CAST: variants seen among roughly 807,000 people sequenced by gnomAD.
The protein encoded by CAST is MIR583 host.
In CAST, 76 loss-of-function variants were observed where a neutral mutation model predicts 119.6. The observed-to-expected ratio is 0.64, with a 90% CI of 0.53 to 0.77. CAST has a LOEUF of 0.77. CAST is among the 30% of genes least tolerant of loss of function. The pLI is 0.00. For missense variants in CAST, 953 were observed against 946.5 expected (o/e 1.01, Z -0.09); for synonymous variants, 319 against 331.6 (o/e 0.96, Z 0.41).
At chr5:96,022,611 T>G in the CAST span, among the ~76,000 whole-genome samples, 2 of 152,124 alleles carry the variant, frequency 1.3e-5, no homozygotes, top group East Asian at 3.8e-4. Flanking sequence ...CGACATACAA[T>G]CCAATGAGGA....
chr5:96,334,083 A>G, the CAST span, among the ~76,000 whole-genome samples: 1 of 152,324 alleles, frequency 6.6e-6, no homozygotes, highest in Admixed American at 6.5e-5. Context: ...GAGTTGTATT[A>G]GGGCTGAAGT....
chr5:96,398,753 T>C, the CAST span: 1 of 819,754 alleles, frequency 1.2e-6, no homozygotes, highest in Non-Finnish European at 2.1e-6. Flanking sequence ...AAAATAAGCA[T>C]GTTTTTTAAG....
chr5:96,651,488 A>G (rs1186941595), intron 1 of CAST, among the ~76,000 whole-genome samples: 2 of 152,160 alleles, frequency 1.3e-5, no homozygotes, highest in African/African-American at 4.8e-5. Flanking sequence ...GTTGATATCT[A>G]ATTTTCTTAT....
chr5:96,248,988 G>T, the CAST span, among the ~76,000 whole-genome samples: 2 of 152,170 alleles, frequency 1.3e-5, no homozygotes, highest in Non-Finnish European at 2.9e-5. Flanking sequence ...CCTTCTGAAG[G>T]TACTTATAGC....
chr5:96,009,587 T>C, the CAST span, among the ~76,000 whole-genome samples: 2 of 152,188 alleles, frequency 1.3e-5, no homozygotes, highest in Non-Finnish European at 2.9e-5. Flanking sequence ...TGGCTACCTA[T>C]ATGTCTTCTT....
chr5:96,703,332 C>T (rs1379232748), intron 3 of CAST, among the ~76,000 whole-genome samples: 3 of 152,140 alleles, frequency 2.0e-5, no homozygotes, highest in Admixed American at 2.0e-4. Context: ...CTCCTCCTCC[C>T]CAGCCGTGCC....
intron 2 of CAST, among the ~76,000 whole-genome samples, chr5:96,695,418 A>G (rs1450504372): frequency 6.6e-6 from 1 of 152,134 alleles, no homozygotes; most frequent in African/African-American, 2.4e-5. Context: ...TTGTAGAAAA[A>G]TACTTTTTCT....
the CAST span, among the ~76,000 whole-genome samples, chr5:96,456,963 T>TACAAAA: frequency 1.3e-5 from 2 of 152,210 alleles, no homozygotes; most frequent in African/African-American, 2.4e-5. Context: ...TGCTTCCCCT[T>TACAAAA]CTGCCATGAT....
chr5:96,634,316 A>G (rs955023217), intron 1 of CAST, among the ~76,000 whole-genome samples: 2 of 152,202 alleles, frequency 1.3e-5, no homozygotes, highest in Non-Finnish European at 2.9e-5. Flanking sequence ...GATTGTGCAC[A>G]TCATCTGATC....
At chr5:96,621,517 GGAGA>G (rs528244805) in intron 1 of CAST, among the ~76,000 whole-genome samples, 16 of 152,244 alleles carry the variant, frequency 1.1e-4, no homozygotes, top group Admixed American at 3.3e-4. Flanking sequence ...TATCGCAGCA[GGAGA>G]GAGAGAGTGT....
chr5:96,219,041 ACAGCTACGTAGTATATGC>A, the CAST span, among the ~76,000 whole-genome samples: 1 of 152,226 alleles, frequency 6.6e-6, no homozygotes, highest in Non-Finnish European at 1.5e-5. Flanking sequence ...TGTGTGCAGA[ACAGCTACGTAGTATATGC>A]CTGGCACAGG....
the CAST span, among the ~76,000 whole-genome samples, chr5:96,238,709 A>T: frequency 2.6e-5 from 4 of 151,916 alleles, no homozygotes; most frequent in Admixed American, 1.3e-4. Context: ...CTATATCTTC[A>T]TTTTTAATAG....
the CAST span, among the ~76,000 whole-genome samples, chr5:96,207,059 G>A: frequency 6.6e-6 from 1 of 151,660 alleles, no homozygotes; most frequent in African/African-American, 2.4e-5. Context: ...ATTTTTTTGT[G>A]GCTATTGTGA....
intron 1 of CAST, among the ~76,000 whole-genome samples, chr5:96,554,883 C>A (rs971036305): frequency 6.6e-5 from 10 of 152,110 alleles, no homozygotes; most frequent in African/African-American, 2.2e-4. Context: ...GAATTGGGAT[C>A]ATTAAAAAGT....
the CAST span, among the ~76,000 whole-genome samples, chr5:96,493,118 C>T: frequency 4.7e-4 from 72 of 152,204 alleles, 2 homozygotes; most frequent in South Asian, 8.1e-3. Flanking sequence ...AGAAACAGTG[C>T]TTTATAAGTC....
chr5:96,735,630 C>G (rs990182417), intron 9 of CAST, among the ~76,000 whole-genome samples: 4 of 152,206 alleles, frequency 2.6e-5, no homozygotes, highest in African/African-American at 7.2e-5. Context: ...GGTCAAATTT[C>G]AGAGATTACA....
chr5:96,253,447 G>A, the CAST span, among the ~76,000 whole-genome samples: 7 of 152,098 alleles, frequency 4.6e-5, no homozygotes, highest in Admixed American at 3.3e-4. Flanking sequence ...GGGTTATAAC[G>A]AGCAGCCAAG....
At chr5:96,724,622 G>A (rs1758909628) in intron 4 of CAST, among the ~76,000 whole-genome samples, 1 of 152,138 alleles carries the variant, frequency 6.6e-6, no homozygotes, top group African/African-American at 2.4e-5. Context: ...CTTGAGCCCA[G>A]GAGTTTGGGA....
At chr5:96,356,053 A>G in the CAST span, among the ~76,000 whole-genome samples, 1 of 152,092 alleles carries the variant, frequency 6.6e-6, no homozygotes, top group East Asian at 1.9e-4. Context: ...ATGGTATCTC[A>G]TTGTGTTTTT....
Sources: allele counts gnomAD v4.1 joint callset (sites outside exome capture counted in the v4.1 genomes callset), GRCh38; gene constraint gnomAD v4.1.1; transcripts MANE v1.5; gene names NCBI Gene and HGNC (gene_info 2026-07-23, HGNC 2026-07-21).